Variants in SPIRE1 observed in about 807,000 individuals in gnomAD.
SPIRE1 encodes protein spire homolog 1.
A neutral mutation model predicts 94.1 loss-of-function variants in SPIRE1; 40 were observed. That is an observed-to-expected ratio of 0.43 (90% confidence interval 0.33 to 0.55). The LOEUF is 0.55. Ranked by LOEUF, SPIRE1 falls within the 20% of genes least tolerant of loss-of-function variation. The pLI, the probability that SPIRE1 is intolerant of heterozygous loss-of-function variation, is 0.06. For synonymous variants in SPIRE1, 376 were observed against 371.7 expected, an observed-to-expected ratio of 1.01 and a Z score of -0.13; for missense variants, 838 against 975.2, an observed-to-expected ratio of 0.86 and a Z score of 1.87.
At chr18:12,644,636 C>G (rs1205782039) in intron 1 of SPIRE1, among the ~76,000 whole-genome samples, 3 of 152,178 alleles carry the variant, frequency 2.0e-5, no homozygotes, top group Non-Finnish European at 2.9e-5. Flanking sequence ...TTCTAAAAAC[C>G]TGGTGGAGCA....
At chr18:12,597,229 C>T (rs1371702308) in intron 2 of SPIRE1, among the ~76,000 whole-genome samples, 1 of 150,832 alleles carries the variant, frequency 6.6e-6, no homozygotes, top group East Asian at 1.9e-4. Context: ...CAGAACCACT[C>T]TTGATAATCC....
intron 2 of SPIRE1, among the ~76,000 whole-genome samples, chr18:12,561,555 C>T (rs781569307): frequency 6.6e-6 from 1 of 152,164 alleles, no homozygotes; most frequent in African/African-American, 2.4e-5. Flanking sequence ...CTTGAGCCAC[C>T]GTGCCTGGCC....
At chr18:12,484,525 G>A (rs185452117) in intron 9 of SPIRE1, among the ~76,000 whole-genome samples, 291 of 152,228 alleles carry the variant, frequency 1.9e-3, no homozygotes, top group Non-Finnish European at 3.0e-3. Flanking sequence ...CTTTGTAGCT[G>A]GAAGATACTC....
chr18:12,544,738 T>G, intron 3 of SPIRE1, among the ~76,000 whole-genome samples: 1 of 152,214 alleles, frequency 6.6e-6, no homozygotes, highest in Admixed American at 6.5e-5. Context: ...AATTAAAAAA[T>G]AAAAGGTATC....
intron 2 of SPIRE1, among the ~76,000 whole-genome samples, chr18:12,552,348 G>A (rs1430347138): frequency 6.6e-6 from 1 of 152,040 alleles, no homozygotes; most frequent in Non-Finnish European, 1.5e-5. Context: ...CTCTCCCAAC[G>A]CCAGGCAGCA....
intron 1 of SPIRE1, among the ~76,000 whole-genome samples, chr18:12,640,195 T>C (rs756442594): frequency 6.6e-6 from 1 of 152,198 alleles, no homozygotes; most frequent in African/African-American, 2.4e-5. Flanking sequence ...ATCAATATGA[T>C]TCAAACTAGC....
chr18:12,657,055 T>G (rs560415709), intron 1 of SPIRE1, among the ~76,000 whole-genome samples: 49 of 152,296 alleles, frequency 3.2e-4, no homozygotes, highest in Admixed American at 1.4e-3. Context: ...CCGTGAGGAG[T>G]GCGGTGTTTC....
chr18:12,496,436 A>G (rs752989859), intron 6 of SPIRE1, among the ~76,000 whole-genome samples: 9 of 152,132 alleles, frequency 5.9e-5, no homozygotes, highest in Middle Eastern at 6.8e-3. Flanking sequence ...TCCTCCTTGT[A>G]AAAAAAACCT....
chr18:12,549,772 G>C (rs2035296207), intron 2 of SPIRE1, among the ~76,000 whole-genome samples: 1 of 151,936 alleles, frequency 6.6e-6, no homozygotes, highest in African/African-American at 2.4e-5. Context: ...TTCCTAGGGA[G>C]GCGGGAAAAA....
intron 4 of SPIRE1, among the ~76,000 whole-genome samples, chr18:12,525,291 A>T (rs993581249): frequency 1.0e-4 from 15 of 146,714 alleles, no homozygotes; most frequent in Admixed American, 6.8e-4. Context: ...AAAAAAAAAA[A>T]AAAAAAATAA....
chr18:12,631,574 A>AAG (rs1410117765), intron 2 of SPIRE1, among the ~76,000 whole-genome samples: 19 of 143,850 alleles, frequency 1.3e-4, no homozygotes, highest in African/African-American at 4.0e-4. Context: ...AAAAAAAAAA[A>AAG]ACATAAAAAT....
intron 3 of SPIRE1, among the ~76,000 whole-genome samples, chr18:12,537,624 C>CCT (rs1325994328): frequency 6.6e-6 from 1 of 152,064 alleles, no homozygotes; most frequent in Non-Finnish European, 1.5e-5. Context: ...CATAAAAAAT[C>CCT]TAAAGGAATA....
intron 4 of SPIRE1, among the ~76,000 whole-genome samples, chr18:12,532,227 G>C (rs2034704069): frequency 6.6e-6 from 1 of 152,184 alleles, no homozygotes; most frequent in African/African-American, 2.4e-5. Context: ...TAAATAAATA[G>C]ATGATGAACC....
intron 10 of SPIRE1, among the ~76,000 whole-genome samples, chr18:12,465,678 C>T (rs1231736145): frequency 2.0e-5 from 3 of 152,182 alleles, no homozygotes; most frequent in South Asian, 2.1e-4. Flanking sequence ...GTCTGTCTTG[C>T]TCACTGATGT....
At chr18:12,510,894 T>C (rs2034014224) in intron 5 of SPIRE1, among the ~76,000 whole-genome samples, 1 of 152,188 alleles carries the variant, frequency 6.6e-6, no homozygotes, top group Non-Finnish European at 1.5e-5. Context: ...TACCCAAGAC[T>C]GTCATGCCTA....
chr18:12,567,250 G>A (rs2035843307), intron 2 of SPIRE1, among the ~76,000 whole-genome samples: 1 of 151,892 alleles, frequency 6.6e-6, no homozygotes, highest in Non-Finnish European at 1.5e-5. Context: ...AAATACTTAG[G>A]TGTCAATCTA....
intron 1 of SPIRE1, among the ~76,000 whole-genome samples, chr18:12,638,472 A>G (rs1388577376): frequency 6.6e-6 from 1 of 152,188 alleles, no homozygotes; most frequent in African/African-American, 2.4e-5. Flanking sequence ...AATTAAAAAC[A>G]GATGAGTAAT....
intron 2 of SPIRE1, among the ~76,000 whole-genome samples, chr18:12,628,499 T>C (rs1025145416): frequency 2.0e-4 from 31 of 152,196 alleles, no homozygotes; most frequent in Admixed American, 1.3e-4. Context: ...TCCAGTTTTG[T>C]TCTTTTTGCT....
At chr18:12,643,297 A>C (rs1366638649) in intron 1 of SPIRE1, among the ~76,000 whole-genome samples, 4 of 152,330 alleles carry the variant, frequency 2.6e-5, no homozygotes, top group African/African-American at 9.6e-5. Context: ...TAAACTTCAC[A>C]AGCTCAAAAA....
Sources: gnomAD v4.1 joint callset for allele counts (sites outside exome capture counted in the v4.1 genomes callset) on GRCh38, gnomAD v4.1.1 for gene constraint, MANE v1.5 for transcripts, NCBI Gene and HGNC (gene_info 2026-07-23, HGNC 2026-07-21) for gene names.